Variants in TNRC6B observed in about 807,000 individuals in gnomAD.
TNRC6B encodes the protein trinucleotide repeat containing adaptor 6B, also known as trinucleotide repeat-containing gene 6B protein.
A neutral mutation model predicts 203.6 loss-of-function variants in TNRC6B; 52 were observed. That is an observed-to-expected ratio of 0.26 (90% confidence interval 0.20 to 0.32). TNRC6B has a LOEUF of 0.32. Ranked by LOEUF, TNRC6B falls within the 10% of genes least tolerant of loss-of-function variation. The probability of loss-of-function intolerance (pLI) is 1.00; values close to 1 mark genes in which losing one functional copy is unlikely to be tolerated. For synonymous variants in TNRC6B, 838 were observed against 845.7 expected, an observed-to-expected ratio of 0.99 and a Z score of 0.16; for missense variants, 1,923 against 2,286.2, an observed-to-expected ratio of 0.84 and a Z score of 3.24.
intron 1 of TNRC6B, among the ~76,000 whole-genome samples, chr22:40,110,637 T>C (rs1354274151): frequency 6.6e-6 from 1 of 152,230 alleles, no homozygotes; most frequent in Non-Finnish European, 1.5e-5. Flanking sequence ...TATGAGTCTT[T>C]CTGGTCATTC....
rs1262162441 is a variant in TNRC6B at position 40,324,462 on chromosome 22, T to C, written c.*1221T>C. On this transcript the variant is annotated 3_prime_UTR_variant, in exon 23 of 23. Transcript: ENST00000454349. ...TTTCCTTATGATCAGGTTTGAGAAATTCTTCAAAAAATTAGGTGAAGTTGA... is the reference window on the plus strand; with the variant it reads ...TTTCCTTATGATCAGGTTTGAGAAACTCTTCAAAAAATTAGGTGAAGTTGA... The C allele has an allele frequency of 6.6e-6, 1 of 152,642 alleles. No homozygotes were observed. 9.5% of individuals were successfully genotyped at this position (152,642 alleles called of 1,614,324 possible). A position where few individuals can be genotyped will look rare whatever the true frequency, so the allele number is the denominator to read the frequency against.
intron 15 of TNRC6B, among the ~76,000 whole-genome samples, chr22:40,302,916 T>C (rs1442476278): frequency 2.0e-5 from 3 of 152,146 alleles, no homozygotes; most frequent in Non-Finnish European, 2.9e-5. Context: ...GCACTTGATA[T>C]AGAAGAAGGT....
At chr22:40,311,109 T>G in intron 17 of TNRC6B, 116 bp downstream of exon 17, 1 of 1,198,140 alleles carries the variant, frequency 8.3e-7, no homozygotes, top group Non-Finnish European at 1.2e-6. Flanking sequence ...TTTTATTTTT[T>G]TCATTCAATA....
rs369388528 is a variant in TNRC6B at position 40,280,167 on chromosome 22, A to G, written c.3411+24A>G. The G allele has an allele frequency of 3.5e-5, 56 of 1,602,848 alleles. No homozygotes were observed. Among genetic ancestry groups the G allele is most frequent in the East Asian group, 2.0e-4 (9 of 44,726 alleles). On this transcript the variant is annotated intron_variant, in intron 10 of 22. Coordinates refer to ENST00000454349, the MANE Select transcript of TNRC6B (RefSeq NM_001162501.2). ...AGGTGAGTTGAATCCTTTGTTTAAG[A>G]TAATAATTCATGAGAACCGCTTTGG...
chr22:40,203,083 G>A (rs1410689368), intron 1 of TNRC6B, among the ~76,000 whole-genome samples: 2 of 152,114 alleles, frequency 1.3e-5, no homozygotes, highest in Non-Finnish European at 2.9e-5. Context: ...AAAAATGCTG[G>A]CCACTGATCA....
At chr22:40,236,298 G>A (rs557150521) in intron 1 of TNRC6B, among the ~76,000 whole-genome samples, 7 of 152,142 alleles carry the variant, frequency 4.6e-5, no homozygotes, top group Admixed American at 3.3e-4. Context: ...ATCCTCTGGC[G>A]CCCAACCACC....
At chr22:40,111,831 A>G (rs2068337806) in intron 1 of TNRC6B, among the ~76,000 whole-genome samples, 1 of 152,190 alleles carries the variant, frequency 6.6e-6, no homozygotes, top group Non-Finnish European at 1.5e-5. Flanking sequence ...GGCTGGGCGC[A>G]GTGGCTCACA....
intron 1 of TNRC6B, among the ~76,000 whole-genome samples, chr22:40,103,452 T>C (rs1253116114): frequency 1.3e-5 from 2 of 152,168 alleles, no homozygotes; most frequent in Non-Finnish European, 1.5e-5. Flanking sequence ...CTGGCTGCTT[T>C]CATTGAGCAC....
intron 1 of TNRC6B, among the ~76,000 whole-genome samples, chr22:40,240,269 C>T (rs891850016): frequency 1.1e-4 from 16 of 152,174 alleles, no homozygotes; most frequent in African/African-American, 3.9e-4. Context: ...TTTTACCATT[C>T]AGGATTTATT....
chr22:40,245,218 G>A (rs913762846), intron 1 of TNRC6B, among the ~76,000 whole-genome samples: 8 of 151,960 alleles, frequency 5.3e-5, no homozygotes, highest in African/African-American at 1.9e-4. Flanking sequence ...AGCCTCCCGA[G>A]TAGCTGGGAC....
intron 15 of TNRC6B, 53 bp from the exon 16 acceptor site, chr22:40,308,459 A>C: frequency 1.9e-6 from 3 of 1,609,224 alleles, no homozygotes; most frequent in South Asian, 1.1e-5. Flanking sequence ...TCTGCTTCAG[A>C]ACTCTTGATA....
At chr22:40,105,184 T>G (rs1601817776) in intron 1 of TNRC6B, among the ~76,000 whole-genome samples, 1 of 152,214 alleles carries the variant, frequency 6.6e-6, no homozygotes. Flanking sequence ...TGGCAGGCCA[T>G]CCGAGGAATT....
At chr22:40,244,432 G>A (rs1475934820) in intron 1 of TNRC6B, among the ~76,000 whole-genome samples, 1 of 151,912 alleles carries the variant, frequency 6.6e-6, no homozygotes, top group Non-Finnish European at 1.5e-5. Context: ...GACAAAGTCA[G>A]TGACAACATG....
intron 3 of TNRC6B, among the ~76,000 whole-genome samples, chr22:40,260,629 G>C (rs529256422): frequency 6.6e-6 from 1 of 151,826 alleles, no homozygotes; most frequent in African/African-American, 2.4e-5. Context: ...TTTACTCAGG[G>C]GTAGATCTTT....
chr22:40,258,071 CTTTTTTTTTTTTTTTT>C (rs56078653), intron 3 of TNRC6B, among the ~76,000 whole-genome samples: 24 of 28,700 alleles, frequency 8.4e-4, no homozygotes, highest in Non-Finnish European at 1.2e-3. Context: ...GATACACAGC[CTTTTTTTTTTTTTTTT>C]TTTTTTTTTT....
intron 11 of TNRC6B, among the ~76,000 whole-genome samples, chr22:40,282,098 C>T (rs898967997): frequency 7.9e-5 from 12 of 152,248 alleles, no homozygotes; most frequent in Non-Finnish European, 1.0e-4. Flanking sequence ...TTACTTGTCA[C>T]TGTGACCTTC....
At chr22:40,093,259 A>C (rs1180208169) in intron 1 of TNRC6B, among the ~76,000 whole-genome samples, 2 of 152,262 alleles carry the variant, frequency 1.3e-5, no homozygotes, top group Non-Finnish European at 2.9e-5. Context: ...ATAAAGCTAA[A>C]GAAATTGTCC....
intron 12 of TNRC6B, among the ~76,000 whole-genome samples, chr22:40,296,082 CTT>C (rs971332334): frequency 1.3e-5 from 2 of 152,138 alleles, no homozygotes; most frequent in African/African-American, 4.8e-5. Context: ...ACAGTACCCT[CTT>C]TACTACCAAC....
chr22:40,118,560 T>C (rs949297337), intron 2 of TNRC6B, among the ~76,000 whole-genome samples: 1 of 152,230 alleles, frequency 6.6e-6, no homozygotes, highest in African/African-American at 2.4e-5. Context: ...GTTTATTGAA[T>C]TGATATCTAT....
Sources: allele counts gnomAD v4.1 joint callset (sites outside exome capture counted in the v4.1 genomes callset), GRCh38; gene constraint gnomAD v4.1.1; transcripts MANE v1.5; gene names NCBI Gene and HGNC (gene_info 2026-07-23, HGNC 2026-07-21).